Variants in TSPAN5 observed in about 807,000 individuals in gnomAD.
TSPAN5 encodes the protein tetraspanin-5.
A neutral mutation model predicts 37.1 loss-of-function variants in TSPAN5; 10 were observed. The observed-to-expected ratio is 0.27, with a 90% CI of 0.17 to 0.46. TSPAN5 has a LOEUF of 0.46. Ranked by LOEUF, TSPAN5 falls within the 20% of genes least tolerant of loss-of-function variation. The probability of loss-of-function intolerance (pLI) is 1.00; values close to 1 mark genes in which losing one functional copy is unlikely to be tolerated. For missense variants in TSPAN5, 195 were observed against 326.6 expected, an observed-to-expected ratio of 0.60 and a Z score of 3.11; for synonymous variants, 110 against 118.9, an observed-to-expected ratio of 0.93 and a Z score of 0.48.
chr4:98,643,619 A>G (rs1757003123), intron 1 of TSPAN5, among the ~76,000 whole-genome samples: 1 of 152,190 alleles, frequency 6.6e-6, no homozygotes, highest in South Asian at 2.1e-4. Context: ...CCGTTTTCAA[A>G]TTTTTGTGCA....
chr4:98,481,021 T>C (rs1158949750), intron 4 of TSPAN5, among the ~76,000 whole-genome samples: 1 of 151,976 alleles, frequency 6.6e-6, no homozygotes, highest in Non-Finnish European at 1.5e-5. Context: ...AGGCTACCGT[T>C]CACTGGGCTT....
chr4:98,637,826 A>G (rs1756888365), intron 1 of TSPAN5, among the ~76,000 whole-genome samples: 1 of 152,246 alleles, frequency 6.6e-6, no homozygotes, highest in Admixed American at 6.5e-5. Context: ...GTCACTCTCC[A>G]ATAGGCTGGT....
At position 98,486,945 on chromosome 4, in the gene TSPAN5, T is replaced by A. The variant is rs893616155; in HGVS notation, c.133-61A>T. The A allele has an allele frequency of 8.2e-6, 13 of 1,576,478 alleles. 1 individual carries two copies. The highest frequency in any genetic ancestry group is 6.7e-5 in the East Asian group (3 of 44,520). On this transcript the variant is annotated intron_variant, in intron 2 of 7. Coordinates refer to ENST00000305798, the MANE Select transcript of TSPAN5 (RefSeq NM_005723.4). ...GATGTGGGGTCAGTTTTCCAACATGTAAAGATTATTGCATTTGTCCTTTCC... is the reference window on the plus strand; with the variant it reads ...GATGTGGGGTCAGTTTTCCAACATGAAAAGATTATTGCATTTGTCCTTTCC...
intron 1 of TSPAN5, among the ~76,000 whole-genome samples, chr4:98,579,939 A>G (rs1163119732): frequency 6.6e-6 from 1 of 152,198 alleles, no homozygotes. Flanking sequence ...ACCCAAAATA[A>G]TGTTTAAATT....
At chr4:98,491,552 G>A (rs1753085814) in intron 2 of TSPAN5, among the ~76,000 whole-genome samples, 1 of 152,126 alleles carries the variant, frequency 6.6e-6, no homozygotes, top group Admixed American at 6.6e-5. Flanking sequence ...GCTGCACGTG[G>A]TGGTACCTGC....
chr4:98,552,727 T>C (rs1178790244), intron 1 of TSPAN5, among the ~76,000 whole-genome samples: 1 of 152,178 alleles, frequency 6.6e-6, no homozygotes, highest in Admixed American at 6.5e-5. Flanking sequence ...GGAAAGACAA[T>C]AGGAGCTGCT....
At chr4:98,625,012 C>T (rs28604404) in intron 1 of TSPAN5, among the ~76,000 whole-genome samples, 25,607 of 151,958 alleles carry the variant, frequency 0.17, 2,427 homozygotes, top group Admixed American at 0.23. Context: ...AGGCAAAATA[C>T]GATTTGAAAG....
At chr4:98,497,562 G>A (rs1220314182) in intron 2 of TSPAN5, among the ~76,000 whole-genome samples, 1 of 152,160 alleles carries the variant, frequency 6.6e-6, no homozygotes, top group East Asian at 1.9e-4. Flanking sequence ...TGATCATGGT[G>A]CCCCTAAACT....
intron 1 of TSPAN5, among the ~76,000 whole-genome samples, chr4:98,529,762 T>G (rs973884687): frequency 3.3e-5 from 5 of 152,230 alleles, no homozygotes; most frequent in Admixed American, 2.0e-4. Flanking sequence ...TTTAGACTTC[T>G]GCAGCCAGTT....
intron 1 of TSPAN5, among the ~76,000 whole-genome samples, chr4:98,633,289 A>T (rs747294689): frequency 6.6e-6 from 1 of 152,198 alleles, no homozygotes; most frequent in Admixed American, 6.5e-5. Flanking sequence ...AAACACTAAA[A>T]CTACGCTACA....
chr4:98,507,582 A>T, intron 2 of TSPAN5, 96 bp downstream of exon 2: 1 of 875,222 alleles, frequency 1.1e-6, no homozygotes, highest in Non-Finnish European at 1.8e-6. Context: ...CCATGTTTAT[A>T]CTCTGTGGTT....
intron 1 of TSPAN5, among the ~76,000 whole-genome samples, chr4:98,625,494 G>A (rs764808869): frequency 2.0e-5 from 3 of 152,094 alleles, no homozygotes; most frequent in Non-Finnish European, 2.9e-5. Context: ...CAAGATTGAC[G>A]TTACTTCACC....
chr4:98,565,636 G>A (rs1754986902), intron 1 of TSPAN5, among the ~76,000 whole-genome samples: 1 of 152,154 alleles, frequency 6.6e-6, no homozygotes, highest in South Asian at 2.1e-4. Context: ...AATTTGGACT[G>A]CTTAAAGTAG....
intron 1 of TSPAN5, among the ~76,000 whole-genome samples, chr4:98,605,919 C>A (rs1242650632): frequency 6.6e-6 from 1 of 152,216 alleles, no homozygotes; most frequent in Admixed American, 6.5e-5. Context: ...CACAACCCTG[C>A]CTCTGGAATC....
At chr4:98,497,397 G>T (rs77837773) in intron 2 of TSPAN5, among the ~76,000 whole-genome samples, 1,781 of 151,966 alleles carry the variant, frequency 0.012, 14 homozygotes, top group South Asian at 0.022. Flanking sequence ...CAGCAAAAAG[G>T]CGGCTGCAAA....
intron 1 of TSPAN5, among the ~76,000 whole-genome samples, chr4:98,535,701 T>C (rs1754214942): frequency 6.6e-6 from 1 of 152,200 alleles, no homozygotes; most frequent in South Asian, 2.1e-4. Context: ...TTTCACATAG[T>C]CCCATATTTG....
chr4:98,578,356 T>C (rs1405813133), intron 1 of TSPAN5, among the ~76,000 whole-genome samples: 2 of 152,224 alleles, frequency 1.3e-5, no homozygotes, highest in African/African-American at 4.8e-5. Flanking sequence ...CACAGATGAA[T>C]TCCTCTTAGC....
At chr4:98,520,431 T>C (rs1031297875) in intron 1 of TSPAN5, among the ~76,000 whole-genome samples, 2 of 152,142 alleles carry the variant, frequency 1.3e-5, no homozygotes, top group Non-Finnish European at 2.9e-5. Flanking sequence ...GCACGGAAAC[T>C]GCCAAAAAGG....
At chr4:98,477,588 G>A (rs1051639533) in intron 5 of TSPAN5, among the ~76,000 whole-genome samples, 5 of 152,088 alleles carry the variant, frequency 3.3e-5, no homozygotes, top group Non-Finnish European at 7.4e-5. Flanking sequence ...TCCCAGAAGG[G>A]TTCTGCAGCT....
Sources: gnomAD v4.1 joint callset for allele counts (sites outside exome capture counted in the v4.1 genomes callset) on GRCh38, gnomAD v4.1.1 for gene constraint, MANE v1.5 for transcripts, NCBI Gene and HGNC (gene_info 2026-07-23, HGNC 2026-07-21) for gene names.